The following RNF170 variants were observed in gnomAD, a reference collection of about 807,000 sequenced individuals.
The protein encoded by RNF170 is ring finger protein 170.
Under a neutral mutation model 32.7 loss-of-function variants are expected in RNF170, and 12 were observed. The observed-to-expected ratio is 0.37, with a 90% CI of 0.24 to 0.60. RNF170 has a LOEUF of 0.60. Ranked by LOEUF, RNF170 falls within the 20% of genes least tolerant of loss-of-function variation. The pLI, the probability that RNF170 is intolerant of heterozygous loss-of-function variation, is 0.72. For synonymous variants in RNF170, 91 were observed against 103.6 expected (o/e 0.88, Z 0.74); for missense variants, 212 against 311.2 (o/e 0.68, Z 2.40).
At chr8:42,867,964 A>G (rs991644341) in intron 4 of RNF170, among the ~76,000 whole-genome samples, 6 of 152,112 alleles carry the variant, frequency 3.9e-5, no homozygotes, top group Non-Finnish European at 8.8e-5. Flanking sequence ...CAAATGTCGG[A>G]AAGGAGTGTC....
rs1271568146 is a variant in RNF170, at chr8:42,854,222, T to C, written c.*1937A>G. Reference sequence around the variant, plus strand: ...GAGTGCCTAAGCTGTCTTACTCTGATGGAGGTATAATGTAGCACGAAAGAC... The same window carrying C: ...GAGTGCCTAAGCTGTCTTACTCTGACGGAGGTATAATGTAGCACGAAAGAC... On this transcript the variant is annotated 3_prime_UTR_variant, in exon 7 of 7. Coordinates refer to ENST00000527424, the MANE Select transcript of RNF170 (RefSeq NM_030954.4). The C allele has an allele frequency of 1.6e-6, 2 of 1,287,254 alleles. No individual in the cohort carries two copies. Among genetic ancestry groups the C allele is most frequent in the Non-Finnish European group, 2.0e-6 (2 of 988,698 alleles). 79.7% of individuals were successfully genotyped at this position (1,287,254 alleles called of 1,614,324 possible).
In RNF170 at chr8:42,853,653, A is replaced by G; in HGVS notation, c.*2506T>C. 1 of 1,286,316 alleles carries G rather than the reference A, an allele frequency of 7.8e-7. No individual in the cohort carries two copies. Among genetic ancestry groups the G allele is most frequent in the South Asian group, 1.2e-5 (1 of 80,816 alleles). 79.7% of individuals were successfully genotyped at this position (1,286,316 alleles called of 1,614,324 possible). A position where few individuals can be genotyped will look rare whatever the true frequency, so the allele number is the denominator to read the frequency against. ...ATTGTTACTTTGATTTATATGATCT[A>G]ACTCTGAATCACGGAAGTATTACTA... On this transcript the variant is annotated 3_prime_UTR_variant, in exon 7 of 7. Coordinates refer to ENST00000527424, the MANE Select transcript of RNF170 (RefSeq NM_030954.4).
downstream of RNF170, chr8:42,851,068 C>T (rs1477854832): frequency 6.5e-7 from 1 of 1,535,674 alleles, no homozygotes; most frequent in Admixed American, 2.0e-5. Flanking sequence ...CACGTAAATC[C>T]AAATCAACAG....
Position 42,886,706 on chromosome 8 carries a change from C to T in RNF170, c.137+1022G>A, listed in dbSNP as rs550961216. Among the ~76,000 whole-genome samples the T allele has an allele frequency of 3.3e-5, 5 of 152,222 alleles. No homozygotes were observed. The East Asian group carries it at 7.8e-4, about 24-fold the overall frequency. On this transcript the variant is annotated intron_variant, in intron 2 of 6. Coordinates refer to ENST00000527424, the MANE Select transcript of RNF170 (RefSeq NM_030954.4). ...CCTCCCAAGGTGCTGGGATTACCGGCGTGAGCCACCACATCCAGCCTAAAT... is the reference window on the plus strand; with the variant it reads ...CCTCCCAAGGTGCTGGGATTACCGGTGTGAGCCACCACATCCAGCCTAAAT...
rs753813900 is a variant in RNF170 at position 42,887,839 on chromosome 8, T to C, written c.26A>G (p.Gln9Arg). ...TGAATCATCATCCAGTTTCAAACTT[T>C]GAACTTCACCTTGATATTTGGCCAT... Reference protein sequence around the residue: MAKYQGEVQSLKLDDDSVI... With the variant: MAKYQGEVRSLKLDDDSVI... Residue 9 changes from glutamine to arginine, a missense_variant, in exon 2 of 7, where the codon CAA becomes CGA. By Grantham distance (43) the Gln-to-Arg change is conservative (BLOSUM62 1). Around this residue, in one of 2 missense-constraint regions of RNF170, gnomAD observed 115 missense variants for 132.3 expected, o/e 0.87. Coordinates refer to ENST00000527424, the MANE Select transcript of RNF170 (RefSeq NM_030954.4). The C allele has an allele frequency of 1.2e-6, 2 of 1,614,004 alleles. No individual in the cohort carries two copies. The highest frequency in any genetic ancestry group is 3.3e-5 in the Admixed American group (2 of 60,020).
intron 5 of RNF170, among the ~76,000 whole-genome samples, chr8:42,863,905 C>T (rs1803864434): frequency 1.3e-5 from 2 of 151,952 alleles, no homozygotes; most frequent in South Asian, 2.1e-4. Flanking sequence ...GGACCTCCCT[C>T]TTTGCACCAA....
At chr8:42,885,001 C>A (rs148301452) in intron 2 of RNF170, among the ~76,000 whole-genome samples, 255 of 19,350 alleles carry the variant, frequency 0.013, no homozygotes, top group Non-Finnish European at 0.024. Context: ...CGCGCCCTGC[C>A]TCTCTTTTTA....
upstream of RNF170, chr8:42,897,083 CGGCGGTGTCTGGCCAGGCGGTA>C: frequency 8.1e-7 from 1 of 1,227,158 alleles, no homozygotes; most frequent in Non-Finnish European, 1.0e-6. Flanking sequence ...GACAGAGCGG[CGGCGGTGTCTGGCCAGGCGGTA>C]GGCGCTGCCT....
chr8:42,855,023 T>G lies in RNF170; in HGVS notation c.*1136A>C. On this transcript the variant is annotated 3_prime_UTR_variant, in exon 7 of 7. Transcript: ENST00000527424. ...AAATGTAAATACCGTTCCCAGTACC[T>G]TCCTATTGGCTTGATGCTCAAAGAC... is the stretch of plus-strand genomic sequence containing the variant. 7.8e-7 allele frequency: 1 copy of G among 1,287,254 alleles called. No homozygotes were observed. The highest frequency in any genetic ancestry group is 1.0e-6 in the Non-Finnish European group (1 of 988,696). The allele number at this position is 1,287,254 out of a possible 1,614,324, so 79.7% of individuals were successfully genotyped here.
chr8:42,866,150 A>G (rs1210359030), intron 4 of RNF170, among the ~76,000 whole-genome samples: 2 of 152,380 alleles, frequency 1.3e-5, no homozygotes, highest in East Asian at 3.8e-4. Context: ...AAATCAGAGC[A>G]TAAATTTTCT....
chr8:42,863,756 A>T (rs1222589951), intron 5 of RNF170, among the ~76,000 whole-genome samples: 3 of 152,158 alleles, frequency 2.0e-5, no homozygotes, highest in African/African-American at 4.8e-5. Context: ...TTCAATGTTG[A>T]CTGCCTTGTG....
chr8:42,874,500 G>A (rs1387383562), intron 2 of RNF170, among the ~76,000 whole-genome samples: 7 of 152,084 alleles, frequency 4.6e-5, no homozygotes, highest in East Asian at 1.9e-4. Context: ...CAGCACTTTC[G>A]GAGGCCAAGG....
chr8:42,892,888 G>A (rs1806427571), intron 1 of RNF170, among the ~76,000 whole-genome samples: 1 of 152,092 alleles, frequency 6.6e-6, no homozygotes, highest in Admixed American at 6.6e-5. Flanking sequence ...TCGGGAGGCT[G>A]AGGCATGAGA....
chr8:42,861,321 T>C (rs1192056904), intron 6 of RNF170: 1 of 160,634 alleles, frequency 6.2e-6, no homozygotes, highest in Admixed American at 6.3e-5. Context: ...CCAACACATA[T>C]AATGAGATTT....
At chr8:42,875,118 C>T (rs1804821851) in intron 2 of RNF170, among the ~76,000 whole-genome samples, 1 of 150,292 alleles carries the variant, frequency 6.7e-6, no homozygotes, top group South Asian at 2.1e-4. Context: ...TTGCGGTGAT[C>T]TGAGATCACG....
At chr8:42,862,690 C>T (rs1477730488) in intron 5 of RNF170, among the ~76,000 whole-genome samples, 3 of 152,198 alleles carry the variant, frequency 2.0e-5, no homozygotes, top group Admixed American at 1.3e-4. Flanking sequence ...TAAAAGAAGG[C>T]GTGACTAAGC....
intron 5 of RNF170, among the ~76,000 whole-genome samples, 149 bp downstream of exon 5, chr8:42,865,261 AAATAAT>A (rs923288604): frequency 1.3e-5 from 2 of 151,292 alleles, no homozygotes; most frequent in African/African-American, 2.4e-5. Flanking sequence ...AAAAAAATAA[AAATAAT>A]AATAATAATA....
downstream of RNF170, chr8:42,851,068 C>G: frequency 6.5e-7 from 1 of 1,535,792 alleles, no homozygotes; most frequent in East Asian, 2.5e-5. Flanking sequence ...CACGTAAATC[C>G]AAATCAACAG....
chr8:42,877,470 G>T (rs184931311), intron 2 of RNF170, among the ~76,000 whole-genome samples: 14 of 152,092 alleles, frequency 9.2e-5, no homozygotes, highest in Admixed American at 2.6e-4. Context: ...GTGAGCCACC[G>T]CACCCAGCCT....
Sources: gnomAD v4.1 joint callset for allele counts (sites outside exome capture counted in the v4.1 genomes callset) on GRCh38, gnomAD v4.1.1 for gene constraint, gnomAD v4.1.1 regional missense constraint, MANE v1.5 for transcripts, NCBI Gene and HGNC (gene_info 2026-07-23, HGNC 2026-07-21) for gene names.